Variants in ZNG1C observed in about 807,000 individuals in gnomAD.
ZNG1C encodes Zn regulated GTPase metalloprotein activator 1C.
At chr9:68,281,196 C>T in the ZNG1C span, among the ~76,000 whole-genome samples, 6 of 152,202 alleles carry the variant, frequency 3.9e-5, no homozygotes, top group African/African-American at 1.2e-4. Flanking sequence ...TGCTTTGGCT[C>T]GCGGATGGAG....
chr9:68,276,640 C>T, the ZNG1C span, among the ~76,000 whole-genome samples: 1 of 129,594 alleles, frequency 7.7e-6, no homozygotes, highest in African/African-American at 3.0e-5. Context: ...TTTCTGAGGG[C>T]TCTGTTCTGT....
chr9:68,277,167 CTT>C, the ZNG1C span, among the ~76,000 whole-genome samples: 1 of 36,392 alleles, frequency 2.7e-5, no homozygotes, highest in African/African-American at 1.2e-4. Flanking sequence ...TATCCTGAGA[CTT>C]TGCTGAAGTT....
chr9:68,269,541 T>A, the ZNG1C span: 1 of 891,548 alleles, frequency 1.1e-6, no homozygotes, highest in Non-Finnish European at 1.3e-6. Flanking sequence ...GGTTATTTTA[T>A]TAAGCTCATT....
chr9:68,291,195 T>TA, the ZNG1C span, among the ~76,000 whole-genome samples: 10 of 79,276 alleles, frequency 1.3e-4, no homozygotes, highest in East Asian at 1.8e-3. Context: ...TTTATTGTGG[T>TA]AAAAAACACT....
the ZNG1C span, chr9:68,247,679 T>A: frequency 8.8e-7 from 1 of 1,137,974 alleles, no homozygotes; most frequent in Admixed American, 2.3e-5. Context: ...TGGCTGGAAC[T>A]TAGAAACGGT....
At chr9:68,259,799 C>A in the ZNG1C span, among the ~76,000 whole-genome samples, 1 of 152,184 alleles carries the variant, frequency 6.6e-6, no homozygotes, top group South Asian at 2.1e-4. Context: ...GCATGAGCCA[C>A]CACGCCCTGC....
chr9:68,285,094 T>C, the ZNG1C span, among the ~76,000 whole-genome samples: 20 of 145,292 alleles, frequency 1.4e-4, no homozygotes, highest in African/African-American at 4.6e-4. Flanking sequence ...CTCACCACTA[T>C]AGGGAAGGCC....
the ZNG1C span, chr9:68,274,344 T>C: frequency 6.5e-6 from 1 of 153,558 alleles, no homozygotes; most frequent in East Asian, 1.9e-4. Flanking sequence ...ATTCGGATGG[T>C]GGGAATTTTC....
At chr9:68,244,780 TAACTG>T in the ZNG1C span, among the ~76,000 whole-genome samples, 1 of 140,756 alleles carries the variant, frequency 7.1e-6, no homozygotes. Context: ...GAATTTATCT[TAACTG>T]AACATTCTGT....
At chr9:68,279,365 T>A in the ZNG1C span, among the ~76,000 whole-genome samples, 1 of 121,628 alleles carries the variant, frequency 8.2e-6, no homozygotes, top group East Asian at 2.3e-4. Flanking sequence ...GTTAGCTGGT[T>A]ATTTTGCTCG....
At chr9:68,294,137 A>G in the ZNG1C span, among the ~76,000 whole-genome samples, 9 of 150,364 alleles carry the variant, frequency 6.0e-5, no homozygotes, top group South Asian at 4.3e-4. Context: ...CTGAATGACA[A>G]TAGTGACACA....
At chr9:68,290,918 TAGTC>T in the ZNG1C span, among the ~76,000 whole-genome samples, 9 of 151,528 alleles carry the variant, frequency 5.9e-5, no homozygotes, top group Admixed American at 5.3e-4. Flanking sequence ...AACAGCGTTT[TAGTC>T]AGACTGCATA....
chr9:68,255,808 T>C, the ZNG1C span, among the ~76,000 whole-genome samples: 2 of 152,342 alleles, frequency 1.3e-5, no homozygotes, highest in East Asian at 3.9e-4. Flanking sequence ...AGAATTCTTA[T>C]TGGCAATTCA....
the ZNG1C span, among the ~76,000 whole-genome samples, chr9:68,271,363 A>T: frequency 4.1e-5 from 1 of 24,322 alleles, no homozygotes; most frequent in Non-Finnish European, 9.4e-5. Context: ...TAAGGCAAAA[A>T]CTCTGCCTTT....
chr9:68,279,559 A>G, the ZNG1C span, among the ~76,000 whole-genome samples: 2 of 142,150 alleles, frequency 1.4e-5, no homozygotes, highest in South Asian at 2.5e-4. Context: ...TTTCTCCTTC[A>G]CTTATGAAGC....
the ZNG1C span, among the ~76,000 whole-genome samples, chr9:68,262,282 C>T: frequency 1.7e-5 from 1 of 59,060 alleles, no homozygotes; most frequent in South Asian, 6.6e-4. Context: ...GGGTGATTTT[C>T]ATTTATTTTT....
the ZNG1C span, among the ~76,000 whole-genome samples, chr9:68,296,460 A>T: frequency 6.6e-6 from 1 of 152,182 alleles, no homozygotes; most frequent in Non-Finnish European, 1.5e-5. Flanking sequence ...CTATGGAAAG[A>T]AAGAAATGTC....
chr9:68,293,216 A>G, the ZNG1C span, among the ~76,000 whole-genome samples: 2 of 152,302 alleles, frequency 1.3e-5, no homozygotes, highest in Non-Finnish European at 2.9e-5. Context: ...GAACCTCTTT[A>G]AAGCATAAAT....
chr9:68,259,624 G>T, the ZNG1C span, among the ~76,000 whole-genome samples: 1 of 149,722 alleles, frequency 6.7e-6, no homozygotes, highest in Non-Finnish European at 1.5e-5. Flanking sequence ...CGATTCCCTT[G>T]TCTCAGCCTC....
Sources: gnomAD v4.1 joint callset for allele counts (sites outside exome capture counted in the v4.1 genomes callset) on GRCh38, gnomAD v4.1.1 for gene constraint, MANE v1.5 for transcripts, NCBI Gene and HGNC (gene_info 2026-07-23, HGNC 2026-07-21) for gene names.